The following SPTBN4 variants were observed in gnomAD, a reference collection of about 807,000 sequenced individuals.
SPTBN4 encodes spectrin beta chain, non-erythrocytic 4.
In SPTBN4, 96 loss-of-function variants were observed where a neutral mutation model predicts 277.8. The ratio of observed to expected loss-of-function variants is 0.35; its 90% CI spans 0.29 to 0.41. The LOEUF (loss-of-function observed/expected upper bound fraction) is 0.41. Among genes scored for constraint, SPTBN4 ranks in the 10% least tolerant of loss-of-function variants. The pLI, the probability that SPTBN4 is intolerant of heterozygous loss-of-function variation, is 1.00. For missense variants in SPTBN4, 3,006 were observed against 3,595.7 expected (o/e 0.84, Z 4.19); for synonymous variants, 1,481 against 1,580.3 (o/e 0.94, Z 1.49).
intron 15 of SPTBN4, among the ~76,000 whole-genome samples, chr19:40,517,324 C>T (rs1278293397): frequency 6.6e-6 from 1 of 150,982 alleles, no homozygotes; most frequent in African/African-American, 2.4e-5. Context: ...GGGTCTTGCT[C>T]TTTCGCCCAG....
At chr19:40,571,037 G>A (rs1358351249) in intron 33 of SPTBN4, 2 of 359,486 alleles carry the variant, frequency 5.6e-6, no homozygotes, top group South Asian at 3.4e-5. Context: ...TAAGGTTAGT[G>A]CATCTAATGG....
At position 40,473,776 on chromosome 19, in the gene SPTBN4, T is replaced by C. The variant is rs979242686; in HGVS notation, c.169+986T>C. On this transcript the variant is annotated intron_variant, in intron 2 of 35. Coordinates refer to ENST00000598249, the MANE Select transcript of SPTBN4 (RefSeq NM_020971.3). ...GTGGGACTCTGTAAGCATATTCCCT[T>C]AGAATCCCGAAATGCAGAGCCATCA... 4.6e-5 allele frequency among the ~76,000 whole-genome samples: 7 copies of C among 152,052 alleles called. No individual in the cohort carries two copies. The East Asian group carries it at 1.2e-3, about 25-fold the overall frequency.
intron 25 of SPTBN4, 27 bp from the exon 26 acceptor site, chr19:40,556,996 A>AGCCCC: frequency 1.5e-6 from 2 of 1,363,566 alleles, no homozygotes; most frequent in Non-Finnish European, 2.0e-6. Context: ...ACTTTGCTGT[A>AGCCCC]CCCCCCCCCC....
At chr19:40,526,922 A>G (rs909209359) in intron 17 of SPTBN4, among the ~76,000 whole-genome samples, 3 of 152,128 alleles carry the variant, frequency 2.0e-5, no homozygotes, top group African/African-American at 7.2e-5. Context: ...ATGGAGACTC[A>G]GGGTCTTCCT....
chr19:40,557,918 CAA>C (rs772813414), intron 26 of SPTBN4, among the ~76,000 whole-genome samples: 11 of 44,330 alleles, frequency 2.5e-4, no homozygotes, highest in Admixed American at 4.4e-4. Flanking sequence ...TACTCTGTCT[CAA>C]AAAAAAAAAA....
rs2145931849 is a variant in SPTBN4 at position 40,554,996 on chromosome 19, A to ATC, written c.5084+351_5084+352insCT. ...GGAGGACAGAAAAGCCTGTGCTGAG[A>ATC]TTGGCTATGGCGGTGGGGCTGGAGA... On this transcript the variant is annotated intron_variant, in intron 24 of 35. Coordinates refer to ENST00000598249, the MANE Select transcript of SPTBN4 (RefSeq NM_020971.3). This position sits in a 1 kb window ranked among gnomAD's most constrained non-coding sequence, Gnocchi z 5.7. 4.0e-6 allele frequency: 1 copy of ATC among 247,436 alleles called. No individual in the cohort carries two copies. Among genetic ancestry groups the ATC allele is most frequent in the East Asian group, 1.3e-4 (1 of 7,688 alleles). The allele number at this position is 247,436 out of a possible 1,614,324, so 15.3% of individuals were successfully genotyped here. A position where few individuals can be genotyped will look rare whatever the true frequency, so the allele number is the denominator to read the frequency against.
At chr19:40,541,526 C>T (rs1238160283) in intron 20 of SPTBN4, among the ~76,000 whole-genome samples, 3 of 152,186 alleles carry the variant, frequency 2.0e-5, no homozygotes, top group South Asian at 4.1e-4. Flanking sequence ...TGGCTGCCAT[C>T]CAGCCTGGCA....
chr19:40,551,465 C>T (rs2080917593), intron 22 of SPTBN4, among the ~76,000 whole-genome samples: 1 of 152,054 alleles, frequency 6.6e-6, no homozygotes, highest in South Asian at 2.1e-4. Context: ...GGACAAAGGA[C>T]AGAGATAATC....
At position 40,557,021 on chromosome 19, in the gene SPTBN4, A is replaced by G; in HGVS notation, c.5290-2A>G. 1.1e-6 allele frequency: 1 copy of G among 947,084 alleles called. No homozygotes were observed. The highest frequency in any genetic ancestry group is 1.5e-6 in the Non-Finnish European group (1 of 664,364). 58.7% of individuals were successfully genotyped at this position (947,084 alleles called of 1,614,324 possible). On this transcript the variant is annotated splice_acceptor_variant, in intron 25 of 35. Transcript: ENST00000598249. LOFTEE classifies it high-confidence loss of function. ...ACCCCCCCCCCCACTTCCTGATGGCAGGTGCTGCAGGAGAAATTCTCAGAG... is the reference window on the plus strand; with the variant it reads ...ACCCCCCCCCCCACTTCCTGATGGCGGGTGCTGCAGGAGAAATTCTCAGAG...
chr19:40,533,979 TCACATCCTTC>T, intron 19 of SPTBN4, 91 bp from the exon 20 acceptor site: 1 of 1,409,648 alleles, frequency 7.1e-7, no homozygotes, highest in Non-Finnish European at 9.4e-7. Context: ...GATTCTCTTT[TCACATCCTTC>T]CCTGTGTCCT....
At chr19:40,563,785 T>C (rs1198288898) in intron 27 of SPTBN4, among the ~76,000 whole-genome samples, 2 of 118,044 alleles carry the variant, frequency 1.7e-5, no homozygotes, top group Admixed American at 2.3e-4. Context: ...ATGCCTGTAA[T>C]CTCGGCTGAG....
rs762874356 is a variant in SPTBN4 at position 40,523,627 on chromosome 19, G to A, written c.3845G>A (p.Arg1282Gln). The A allele has an allele frequency of 8.7e-6, 14 of 1,611,142 alleles. No homozygotes were observed. The highest frequency in any genetic ancestry group is 7.7e-5 in the South Asian group (7 of 90,860). ...GAGCAGGCTCAGGAGGCTGTGACCC[G>A]GCTGCTGGAGAAGTAGGTCCCCTAG... ...YGEQAQEAVT[R>Q]LLEKNQENQL... The change falls in exon 17 of 36, where the codon CGG becomes CAG. Residue 1282 changes from arginine to glutamine, a missense_variant. Around this residue, in one of 5 missense-constraint regions of SPTBN4, gnomAD observed 1,759 missense variants for 2,061.5 expected, o/e 0.85. Transcript: ENST00000598249.
intron 18 of SPTBN4, among the ~76,000 whole-genome samples, chr19:40,532,240 C>T (rs1215610334): frequency 6.7e-6 from 1 of 148,660 alleles, no homozygotes; most frequent in East Asian, 2.0e-4. Context: ...GAGGGGTGGT[C>T]CTGGGGATGA....
At chr19:40,473,060 T>C (rs1317023829) in intron 2 of SPTBN4, among the ~76,000 whole-genome samples, 2 of 152,072 alleles carry the variant, frequency 1.3e-5, no homozygotes, top group Non-Finnish European at 2.9e-5. Context: ...ATATATATAT[T>C]TTTTGAGACA....
chr19:40,479,216 G>A (rs2079981760), intron 2 of SPTBN4, among the ~76,000 whole-genome samples: 1 of 152,112 alleles, frequency 6.6e-6, no homozygotes, highest in African/African-American at 2.4e-5. Context: ...CTAGCACTGA[G>A]GCTGAGATGG....
At chr19:40,544,526 C>A (rs1225274544) in intron 20 of SPTBN4, among the ~76,000 whole-genome samples, 1 of 143,054 alleles carries the variant, frequency 7.0e-6, no homozygotes, top group African/African-American at 2.7e-5. Flanking sequence ...CGGCTCACTG[C>A]AACCTCTGCC....
intron 19 of SPTBN4, 83 bp from the exon 20 acceptor site, chr19:40,533,997 C>G: frequency 6.8e-7 from 1 of 1,464,834 alleles, no homozygotes; most frequent in East Asian, 2.4e-5. Flanking sequence ...TTCCCTGTGT[C>G]CTGTCACTCT....
chr19:40,564,091 ACG>A (rs1366790958), intron 27 of SPTBN4, among the ~76,000 whole-genome samples: 1 of 151,418 alleles, frequency 6.6e-6, no homozygotes, highest in African/African-American at 2.4e-5. Context: ...GCGGTGGCTC[ACG>A]CCTGTAATCC....
In SPTBN4 at chr19:40,485,769, G is replaced by C. The variant is rs574828650; in HGVS notation, c.170-1928G>C. ...TGCAGTGAGCCATGATTGTGGCACT[G>C]CACTCAAGCCTAGGCGGCAGAGTGA... On this transcript the variant is annotated intron_variant, in intron 2 of 35. Coordinates refer to ENST00000598249, the MANE Select transcript of SPTBN4 (RefSeq NM_020971.3). Among the ~76,000 whole-genome samples the C allele has an allele frequency of 8.5e-5, 13 of 152,144 alleles. No homozygotes were observed. The East Asian group carries it at 1.7e-3, about 20-fold the overall frequency.
Sources: gnomAD v4.1 joint callset for allele counts (sites outside exome capture counted in the v4.1 genomes callset) on GRCh38, gnomAD v4.1.1 for gene constraint, gnomAD v4.1.1 regional missense constraint, Gnocchi (gnomAD v3.1) non-coding constraint, MANE v1.5 for transcripts, NCBI Gene and HGNC (gene_info 2026-07-23, HGNC 2026-07-21) for gene names.